Variants in DAB1 observed in about 807,000 individuals in gnomAD.
The protein encoded by DAB1 is DAB adaptor protein 1.
A neutral mutation model predicts 64.6 loss-of-function variants in DAB1; 15 were observed. The observed-to-expected ratio is 0.23, with a 90% confidence interval of 0.16 to 0.36. The LOEUF (loss-of-function observed/expected upper bound fraction) is 0.36, where lower values mean the gene tolerates loss of function less well. Among genes scored for constraint, DAB1 ranks in the 10% least tolerant of loss-of-function variants. The pLI is 1.00. For synonymous variants in DAB1, 235 were observed against 251.9 expected, an observed-to-expected ratio of 0.93 and a Z score of 0.64; for missense variants, 596 against 706.7, an observed-to-expected ratio of 0.84 and a Z score of 1.78.
intron 4 of DAB1, among the ~76,000 whole-genome samples, chr1:57,086,588 AC>A (rs1246118634): frequency 1.3e-5 from 2 of 151,552 alleles, no homozygotes; most frequent in Admixed American, 1.3e-4. Context: ...ACAGTCCGTG[AC>A]CCACAGAAAT....
chr1:57,888,967 G>T (rs1376486864), upstream of DAB1, among the ~76,000 whole-genome samples: 2 of 152,194 alleles, frequency 1.3e-5, no homozygotes, highest in East Asian at 3.9e-4. Flanking sequence ...CATGCCCATT[G>T]CACATTGGTG....
intron 3 of DAB1, among the ~76,000 whole-genome samples, chr1:58,343,713 CT>C (rs1184620237): frequency 2.6e-5 from 4 of 152,216 alleles, no homozygotes; most frequent in Non-Finnish European, 5.9e-5. Flanking sequence ...GAGTCATTTA[CT>C]CTATTTCTCA....
At chr1:58,005,235 T>C (rs1646563800) in intron 5 of DAB1, among the ~76,000 whole-genome samples, 1 of 152,156 alleles carries the variant, frequency 6.6e-6, no homozygotes, top group African/African-American at 2.4e-5. Flanking sequence ...CTCATGCCCA[T>C]GTGCTTTTAA....
intron 3 of DAB1, among the ~76,000 whole-genome samples, chr1:58,479,293 G>A (rs1645449665): frequency 6.6e-6 from 1 of 152,098 alleles, no homozygotes; most frequent in Non-Finnish European, 1.5e-5. Context: ...ATCACAAGGA[G>A]TGTAAAAAAT....
chr1:58,304,836 C>T (rs143686477), intron 4 of DAB1, among the ~76,000 whole-genome samples: 4,332 of 152,154 alleles, frequency 0.028, 87 homozygotes, highest in Admixed American at 0.063. Flanking sequence ...ATCACAATAA[C>T]GATGATCATT....
intron 4 of DAB1, among the ~76,000 whole-genome samples, chr1:57,099,430 G>A (rs1654465354): frequency 6.6e-6 from 1 of 152,194 alleles, no homozygotes; most frequent in African/African-American, 2.4e-5. Context: ...GCAGTTCCTA[G>A]AACATCACGG....
At chr1:58,117,780 G>A (rs1652428691) in intron 5 of DAB1, among the ~76,000 whole-genome samples, 1 of 151,510 alleles carries the variant, frequency 6.6e-6, no homozygotes, top group South Asian at 2.1e-4. Context: ...ATAAAGGATA[G>A]CCATGCTTCA....
intron 4 of DAB1, among the ~76,000 whole-genome samples, chr1:58,248,049 T>C (rs191824379): frequency 1.0e-3 from 154 of 151,818 alleles, no homozygotes; most frequent in Admixed American, 3.7e-3. Flanking sequence ...GATCGACAAA[T>C]GTGGTCACTG....
At chr1:58,405,090 C>T (rs1644603553) in intron 3 of DAB1, among the ~76,000 whole-genome samples, 2 of 152,200 alleles carry the variant, frequency 1.3e-5, no homozygotes, top group Non-Finnish European at 2.9e-5. Flanking sequence ...CCACCTCCCT[C>T]TCTCCACTCC....
intron 3 of DAB1, among the ~76,000 whole-genome samples, chr1:58,423,339 C>T (rs1161359341): frequency 6.6e-6 from 1 of 152,230 alleles, no homozygotes; most frequent in East Asian, 1.9e-4. Flanking sequence ...GAGAGTGCCT[C>T]TCCCTCTGGC....
intron 6 of DAB1, among the ~76,000 whole-genome samples, chr1:57,804,583 C>T (rs949506201): frequency 3.3e-5 from 5 of 152,216 alleles, no homozygotes; most frequent in Non-Finnish European, 5.9e-5. Flanking sequence ...TCTCTTCCTC[C>T]TAAGCTGCAC....
chr1:58,454,170 G>A (rs755454686), intron 3 of DAB1, among the ~76,000 whole-genome samples: 25 of 152,234 alleles, frequency 1.6e-4, no homozygotes, highest in Admixed American at 8.5e-4. Context: ...GATAAAGAAC[G>A]GGATCAAATG....
intron 2 of DAB1, among the ~76,000 whole-genome samples, chr1:57,169,025 C>T (rs1224695385): frequency 6.6e-6 from 1 of 152,172 alleles, no homozygotes; most frequent in Admixed American, 6.5e-5. Flanking sequence ...CACTGCACTC[C>T]AGCCTGGGCA....
In DAB1 at chr1:58,122,080, C is replaced by T. The variant is rs914572996; in HGVS notation, n.387+28431G>A. On this transcript the variant is annotated intron_variant and non_coding_transcript_variant, in intron 5 of 20. Coordinates refer to the DAB1 transcript ENST00000485760. ...AAATGGGACTGTTCTTGATCATGCT[C>T]TGAGGCCTGGGATCCTTTCACTTGA... is the stretch of plus-strand genomic sequence containing the variant. 5.9e-5 allele frequency among the ~76,000 whole-genome samples: 9 copies of T among 152,314 alleles called. No homozygotes were observed. The Middle Eastern group carries it at 0.014, about 230-fold the overall frequency.
rs1377444639 is a variant in DAB1, at chr1:57,209,973, A to C, written c.68-64544T>G. On this transcript the variant is annotated intron_variant, in intron 2 of 14. Coordinates refer to ENST00000371236, the MANE Select transcript of DAB1 (RefSeq NM_001365792.1). Reference sequence around the variant, plus strand: ...CTAAAAAGACCTAAATTGAAATCTCATTTTAGCTTCTTACAAACTGTGTGA... The same window carrying C: ...CTAAAAAGACCTAAATTGAAATCTCCTTTTAGCTTCTTACAAACTGTGTGA... Among the ~76,000 whole-genome samples the C allele has an allele frequency of 2.0e-5, 3 of 152,244 alleles. 1 individual carries two copies. Among genetic ancestry groups the C allele is most frequent in the Non-Finnish European group, 4.4e-5 (3 of 68,040 alleles).
At chr1:57,232,479 G>A (rs1355722748) in intron 2 of DAB1, among the ~76,000 whole-genome samples, 1 of 151,998 alleles carries the variant, frequency 6.6e-6, no homozygotes, top group African/African-American at 2.4e-5. Flanking sequence ...ATACAAAAAT[G>A]AGCAAGAGAG....
At chr1:57,331,810 G>A (rs968999632) in intron 1 of DAB1, among the ~76,000 whole-genome samples, 2 of 152,154 alleles carry the variant, frequency 1.3e-5, no homozygotes, top group African/African-American at 4.8e-5. Context: ...TGAGAAAACT[G>A]GAGCTACAGC....
At chr1:57,451,178 G>A (rs1183855133) in intron 7 of DAB1, among the ~76,000 whole-genome samples, 1 of 152,066 alleles carries the variant, frequency 6.6e-6, no homozygotes, top group Non-Finnish European at 1.5e-5. Context: ...ACACACCCCT[G>A]CATTTGTCTT....
At chr1:57,767,682 A>G (rs1412406318) in intron 6 of DAB1, among the ~76,000 whole-genome samples, 3 of 152,174 alleles carry the variant, frequency 2.0e-5, no homozygotes, top group Admixed American at 6.6e-5. Flanking sequence ...AATGAATGAA[A>G]GAACCAAATT....
Sources: gnomAD v4.1 joint callset for allele counts (sites outside exome capture counted in the v4.1 genomes callset) on GRCh38, gnomAD v4.1.1 for gene constraint, MANE v1.5 for transcripts, NCBI Gene and HGNC (gene_info 2026-07-23, HGNC 2026-07-21) for gene names.